Variants in FRAS1 observed in about 807,000 individuals in gnomAD.
FRAS1 encodes the protein Fraser extracellular matrix complex subunit 1, also known as extracellular matrix organizing protein FRAS1.
Under a neutral mutation model 435.2 loss-of-function variants are expected in FRAS1, and 290 were observed. The observed-to-expected ratio is 0.67, with a 90% CI of 0.61 to 0.73. The LOEUF (loss-of-function observed/expected upper bound fraction) is 0.73. Among genes scored for constraint, FRAS1 ranks in the 30% least tolerant of loss-of-function variants. The pLI, the probability that FRAS1 is intolerant of heterozygous loss-of-function variation, is 0.00. For synonymous variants in FRAS1, 1,800 were observed against 1,851.0 expected, an observed-to-expected ratio of 0.97 and a Z score of 0.71; for missense variants, 4,860 against 5,001.5, an observed-to-expected ratio of 0.97 and a Z score of 0.85.
chr4:78,270,756 C>T lies in FRAS1; in HGVS notation c.981+3324C>T, dbSNP rs1020141623. Reference sequence around the variant, plus strand: ...ACATGCATATCAACTCTTTTATATGCTTTGAAAGCCAAATTCAGTGTTTCT... The same window carrying T: ...ACATGCATATCAACTCTTTTATATGTTTTGAAAGCCAAATTCAGTGTTTCT... On this transcript the variant is annotated intron_variant, in intron 9 of 73. Coordinates refer to ENST00000512123, the MANE Select transcript of FRAS1 (RefSeq NM_025074.7). Among the ~76,000 whole-genome samples the T allele has an allele frequency of 3.0e-4, 46 of 151,962 alleles. 1 individual carries two copies. The highest frequency in any genetic ancestry group is 3.5e-4 in the Non-Finnish European group (24 of 67,994).
chr4:78,404,215 G>A (rs192780754), intron 30 of FRAS1, among the ~76,000 whole-genome samples: 6 of 152,098 alleles, frequency 3.9e-5, no homozygotes, highest in South Asian at 2.1e-4. Context: ...AATAATTCAT[G>A]GAGATTCAAA....
At chr4:78,440,180 G>C (rs982568025) in intron 40 of FRAS1, among the ~76,000 whole-genome samples, 2 of 151,210 alleles carry the variant, frequency 1.3e-5, no homozygotes, top group African/African-American at 2.4e-5. Context: ...ACAGGCGCCC[G>C]CCACCGCGCC....
chr4:78,412,259 A>C (rs1578307531), intron 31 of FRAS1, among the ~76,000 whole-genome samples: 1 of 152,192 alleles, frequency 6.6e-6, no homozygotes, highest in African/African-American at 2.4e-5. Context: ...TGCCATATGG[A>C]ATTAATGCAA....
In FRAS1 at chr4:78,364,122, A is replaced by G. The variant is rs1274797547; in HGVS notation, c.2722+68A>G. ...TGCCTTTCTGGAGCCATTGAAAGAA[A>G]TGCGAGGTTCTTACTTCCATCTTCT... On this transcript the variant is annotated intron_variant, in intron 22 of 73. Coordinates refer to ENST00000512123, the MANE Select transcript of FRAS1 (RefSeq NM_025074.7). 3 of 1,495,734 alleles carry G rather than the reference A, an allele frequency of 2.0e-6. No individual in the cohort carries two copies. The African/African-American group carries it at 4.2e-5, about 21-fold the overall frequency. 92.7% of individuals were successfully genotyped at this position (1,495,734 alleles called of 1,614,324 possible).
At chr4:78,366,857 A>G (rs1731293778) in intron 22 of FRAS1, among the ~76,000 whole-genome samples, 1 of 152,160 alleles carries the variant, frequency 6.6e-6, no homozygotes, top group Non-Finnish European at 1.5e-5. Flanking sequence ...GAAGCTGAGA[A>G]CCCGAGGGAC....
chr4:78,320,821 C>G (rs994136621), intron 18 of FRAS1, among the ~76,000 whole-genome samples: 2 of 152,072 alleles, frequency 1.3e-5, no homozygotes, highest in African/African-American at 4.8e-5. Context: ...ACCAGTCTTT[C>G]CAAGAATTCA....
intron 2 of FRAS1, among the ~76,000 whole-genome samples, chr4:78,113,674 T>C (rs1467811445): frequency 6.6e-6 from 1 of 152,208 alleles, no homozygotes; most frequent in African/African-American, 2.4e-5. Context: ...TTGATGGGGT[T>C]GTTTGTTTTT....
At chr4:78,364,958 G>A in intron 22 of FRAS1, among the ~76,000 whole-genome samples, 1 of 152,158 alleles carries the variant, frequency 6.6e-6, no homozygotes, top group Admixed American at 6.5e-5. Context: ...CCTTGAGCAA[G>A]CCAATTAACC....
intron 67 of FRAS1, among the ~76,000 whole-genome samples, chr4:78,521,205 G>C (rs1037378096): frequency 6.6e-6 from 1 of 152,056 alleles, no homozygotes; most frequent in Non-Finnish European, 1.5e-5. Context: ...ACCATACCCT[G>C]GTGTAAAGTT....
chr4:78,469,187 G>A (rs530237841), intron 50 of FRAS1, among the ~76,000 whole-genome samples: 16 of 152,330 alleles, frequency 1.1e-4, no homozygotes, highest in Middle Eastern at 3.4e-3. Context: ...GGTCTCTGGA[G>A]GGACGATGTC....
At chr4:78,399,187 G>A (rs1019410941) in intron 29 of FRAS1, among the ~76,000 whole-genome samples, 21 of 152,244 alleles carry the variant, frequency 1.4e-4, no homozygotes, top group Admixed American at 1.0e-3. Context: ...AGAAAGTGCC[G>A]TTGCTGCTGT....
At chr4:78,333,169 C>T in intron 18 of FRAS1, 103 bp from the exon 19 acceptor site, 1 of 1,328,038 alleles carries the variant, frequency 7.5e-7, no homozygotes. Flanking sequence ...AGTGAATGTA[C>T]AGAACATACT....
At chr4:78,156,847 C>T (rs943289328) in intron 2 of FRAS1, among the ~76,000 whole-genome samples, 5 of 152,230 alleles carry the variant, frequency 3.3e-5, no homozygotes, top group Admixed American at 6.5e-5. Context: ...GTTCCAGAAG[C>T]GGGGGATGGA....
At chr4:78,120,784 A>G (rs1718969018) in intron 2 of FRAS1, among the ~76,000 whole-genome samples, 2 of 152,194 alleles carry the variant, frequency 1.3e-5, no homozygotes, top group South Asian at 4.1e-4. Context: ...CCCAATTCCT[A>G]GGCTTTCTCT....
At chr4:78,177,940 C>T (rs1306051652) in intron 2 of FRAS1, among the ~76,000 whole-genome samples, 1 of 152,126 alleles carries the variant, frequency 6.6e-6, no homozygotes, top group African/African-American at 2.4e-5. Context: ...CAAATTTCCG[C>T]AAACTGGGTG....
At chr4:78,379,078 A>C (rs1030337763) in intron 26 of FRAS1, 4 of 152,260 alleles carry the variant, frequency 2.6e-5, no homozygotes, top group African/African-American at 9.7e-5. Flanking sequence ...CATAGCCCAG[A>C]ATTTCATCTG....
At chr4:78,406,510 A>G (rs1733100755) in intron 30 of FRAS1, among the ~76,000 whole-genome samples, 1 of 152,144 alleles carries the variant, frequency 6.6e-6, no homozygotes, top group Non-Finnish European at 1.5e-5. Context: ...AACCCATCAG[A>G]TCTCGTGAGA....
chr4:78,530,423 A>G (rs1721675101), intron 70 of FRAS1, among the ~76,000 whole-genome samples: 1 of 152,112 alleles, frequency 6.6e-6, no homozygotes, highest in South Asian at 2.1e-4. Flanking sequence ...TGACTCCCCC[A>G]GGCTTAACCT....
At chr4:78,252,579 C>G (rs781430233) in intron 5 of FRAS1, 28 bp downstream of exon 5, 4 of 1,597,732 alleles carry the variant, frequency 2.5e-6, no homozygotes, top group African/African-American at 1.3e-5. Context: ...GAAGGGGACC[C>G]TCTTTGCTTG....
Sources: allele counts gnomAD v4.1 joint callset (sites outside exome capture counted in the v4.1 genomes callset), GRCh38; gene constraint gnomAD v4.1.1; transcripts MANE v1.5; gene names NCBI Gene and HGNC (gene_info 2026-07-23, HGNC 2026-07-21).